CSMD1: variants seen among roughly 807,000 people sequenced by gnomAD.
CSMD1 encodes the protein CUB and sushi domain-containing protein 1.
Under a neutral mutation model 417.5 loss-of-function variants are expected in CSMD1, and 213 were observed. The ratio of observed to expected loss-of-function variants is 0.51; its 90% CI spans 0.46 to 0.57. CSMD1 has a LOEUF of 0.57. Among genes scored for constraint, CSMD1 ranks in the 20% least tolerant of loss-of-function variants. The pLI is 0.00. For missense variants in CSMD1, 6,923 were observed against 4,529.7 expected (o/e 1.53, Z -15.17); for synonymous variants, 2,862 against 1,736.8 (o/e 1.65, Z -16.11).
At position 4,021,092 on chromosome 8, in the gene CSMD1, G is replaced by C. The variant is rs538410198; in HGVS notation, c.610+10813C>G. Among the ~76,000 whole-genome samples, 4 of 152,312 alleles carry C rather than the reference G, an allele frequency of 2.6e-5. No individual in the cohort carries two copies. The South Asian group carries it at 6.2e-4, about 24-fold the overall frequency. ...ACAAGCATTAGCAATAATGAGGATAGAGGATACAACAAGTTTAAAGTTGAG... is the reference window on the plus strand; with the variant it reads ...ACAAGCATTAGCAATAATGAGGATACAGGATACAACAAGTTTAAAGTTGAG... On this transcript the variant is annotated intron_variant, in intron 4 of 69. Coordinates refer to ENST00000635120, the MANE Select transcript of CSMD1 (RefSeq NM_033225.6).
intron 3 of CSMD1, among the ~76,000 whole-genome samples, chr8:4,316,482 C>G (rs755488499): frequency 1.3e-5 from 2 of 152,092 alleles, no homozygotes; most frequent in Admixed American, 6.6e-5. Context: ...AAAACCTCAA[C>G]GATTTTTGCA....
At chr8:4,390,734 C>T (rs533775251) in intron 3 of CSMD1, among the ~76,000 whole-genome samples, 5 of 151,696 alleles carry the variant, frequency 3.3e-5, no homozygotes, top group Admixed American at 3.3e-4. Context: ...AGGATGGTCT[C>T]GATCTTCTGA....
At chr8:3,788,983 G>A (rs1310478047) in intron 5 of CSMD1, among the ~76,000 whole-genome samples, 1 of 152,152 alleles carries the variant, frequency 6.6e-6, no homozygotes, top group African/African-American at 2.4e-5. Flanking sequence ...ATTCCAAATT[G>A]TAAGTTATTT....
intron 1 of CSMD1, among the ~76,000 whole-genome samples, chr8:4,991,902 T>A (rs1187961940): frequency 1.3e-5 from 2 of 152,114 alleles, no homozygotes; most frequent in Non-Finnish European, 2.9e-5. Context: ...GTGGGGTTAA[T>A]GAAGGAGCTC....
At chr8:4,294,489 T>C (rs1464054403) in intron 3 of CSMD1, among the ~76,000 whole-genome samples, 1 of 152,114 alleles carries the variant, frequency 6.6e-6, no homozygotes, top group African/African-American at 2.4e-5. Context: ...GTTGTTTCAT[T>C]TAACCTCAGG....
chr8:3,182,840 A>ACG (rs1279802376), intron 36 of CSMD1, among the ~76,000 whole-genome samples: 1 of 45,168 alleles, frequency 2.2e-5, no homozygotes, highest in Non-Finnish European at 3.9e-5. Flanking sequence ...CTTTATAAGA[A>ACG]GGTGTGTGTG....
intron 62 of CSMD1, among the ~76,000 whole-genome samples, chr8:2,958,620 C>T (rs139407476): frequency 6.6e-5 from 10 of 152,310 alleles, no homozygotes; most frequent in African/African-American, 2.2e-4. Context: ...GTATCTGCAG[C>T]ATGAGGCCAG....
At chr8:4,373,320 A>C (rs1017797240) in intron 3 of CSMD1, among the ~76,000 whole-genome samples, 2 of 149,296 alleles carry the variant, frequency 1.3e-5, no homozygotes, top group Non-Finnish European at 3.0e-5. Flanking sequence ...TAACCAAAGA[A>C]AGTATGCGAC....
chr8:4,852,511 C>G (rs1801537625), intron 1 of CSMD1, among the ~76,000 whole-genome samples: 1 of 152,140 alleles, frequency 6.6e-6, no homozygotes, highest in Non-Finnish European at 1.5e-5. Context: ...AATTAAACCT[C>G]TTTCATTTAT....
chr8:4,627,930 A>G (rs959129857), intron 2 of CSMD1, among the ~76,000 whole-genome samples: 1 of 152,106 alleles, frequency 6.6e-6, no homozygotes, highest in African/African-American at 2.4e-5. Flanking sequence ...CTGCAGGACG[A>G]TGATCAGCAT....
intron 3 of CSMD1, among the ~76,000 whole-genome samples, chr8:4,172,256 A>C (rs1291848669): frequency 2.0e-5 from 3 of 152,192 alleles, no homozygotes; most frequent in Admixed American, 6.5e-5. Flanking sequence ...GAACAAATGA[A>C]TGTCTGGAAT....
At chr8:3,921,194 G>T (rs530136023) in intron 5 of CSMD1, among the ~76,000 whole-genome samples, 80 of 151,940 alleles carry the variant, frequency 5.3e-4, no homozygotes, top group Non-Finnish European at 9.4e-4. Context: ...ATCTTGGTAG[G>T]TTATCCACAT....
intron 3 of CSMD1, among the ~76,000 whole-genome samples, chr8:4,261,658 C>T (rs1702215630): frequency 6.6e-6 from 1 of 152,228 alleles, no homozygotes; most frequent in African/African-American, 2.4e-5. Flanking sequence ...AATCCTGCCA[C>T]CTCGGCCTCC....
intron 3 of CSMD1, among the ~76,000 whole-genome samples, chr8:4,159,658 G>A (rs898873828): frequency 2.0e-5 from 3 of 152,052 alleles, no homozygotes; most frequent in Non-Finnish European, 2.9e-5. Flanking sequence ...GCGCGATCTC[G>A]GCTCACTGCA....
At chr8:4,020,865 G>C (rs1159626102) in intron 4 of CSMD1, among the ~76,000 whole-genome samples, 4 of 152,152 alleles carry the variant, frequency 2.6e-5, no homozygotes, top group Admixed American at 6.6e-5. Context: ...AATTTTAAAA[G>C]GGACCCTATT....
At chr8:3,057,304 C>T (rs1585243803) in intron 49 of CSMD1, among the ~76,000 whole-genome samples, 1 of 152,044 alleles carries the variant, frequency 6.6e-6, no homozygotes, top group East Asian at 1.9e-4. Context: ...ATTTAACTTG[C>T]AAATACAAAT....
chr8:4,880,885 A>G (rs1803352872), intron 1 of CSMD1, among the ~76,000 whole-genome samples: 1 of 152,102 alleles, frequency 6.6e-6, no homozygotes, highest in Admixed American at 6.5e-5. Flanking sequence ...GCTTTATAGA[A>G]AGAGAATTTA....
At chr8:4,088,119 G>C (rs142896793) in intron 3 of CSMD1, among the ~76,000 whole-genome samples, 27 of 152,344 alleles carry the variant, frequency 1.8e-4, no homozygotes, top group African/African-American at 6.0e-4. Context: ...GATAGCTGCA[G>C]TGGGGCTGTG....
chr8:4,138,979 G>A (rs1431009495), intron 3 of CSMD1, among the ~76,000 whole-genome samples: 1 of 152,122 alleles, frequency 6.6e-6, no homozygotes. Flanking sequence ...CATCTTTCCT[G>A]AGCTGTGGGT....
Sources: allele counts gnomAD v4.1 joint callset (sites outside exome capture counted in the v4.1 genomes callset), GRCh38; gene constraint gnomAD v4.1.1; transcripts MANE v1.5; gene names NCBI Gene and HGNC (gene_info 2026-07-23, HGNC 2026-07-21).